The following DHX38 variants were observed in gnomAD, a reference collection of about 807,000 sequenced individuals.
DHX38 encodes pre-mRNA-splicing factor ATP-dependent RNA helicase PRP16.
DHX38 carries 100 observed loss-of-function variants against 153.1 expected under a neutral mutation model. That is an observed-to-expected ratio of 0.65 (90% confidence interval 0.56 to 0.77). The LOEUF (loss-of-function observed/expected upper bound fraction) is 0.77, where lower values mean the gene tolerates loss of function less well. Ranked by LOEUF, DHX38 falls within the 30% of genes least tolerant of loss-of-function variation. The pLI is 0.00. For missense variants in DHX38, 1,440 were observed against 1,654.0 expected (o/e 0.87, Z 2.24); for synonymous variants, 650 against 631.7 (o/e 1.03, Z -0.43).
chr16:72,107,443 G>A lies in DHX38; in HGVS notation c.2704G>A (p.Gly902Arg), dbSNP rs374391366. ...CGTGGTGCTGCTGCTCAAGTCCCTC[G>A]GGGTGCAGGACCTGCTGCAGTTCCA... Reference protein sequence around the residue: ...ANVVLLLKSLGVQDLLQFHFM... With the variant: ...ANVVLLLKSLRVQDLLQFHFM... Residue 902 changes from glycine (G) to arginine (R), a missense_variant, in exon 20 of 27, where the codon GGG (glycine) becomes AGG (arginine). Gly to Arg is a moderately radical substitution (Grantham distance 125, BLOSUM62 -2). Coordinates refer to ENST00000268482, the MANE Select transcript of DHX38 (RefSeq NM_014003.4). The surrounding 1 kb of genome is among the most constrained non-coding windows in gnomAD (Gnocchi z 5.3). The A allele has an allele frequency of 6.2e-6, 10 of 1,613,988 alleles. No individual in the cohort carries two copies. Among genetic ancestry groups the A allele is most frequent in the African/African-American group, 5.3e-5 (4 of 74,910 alleles).
At chr16:72,106,438 C>CGTTTTCTT (rs1555539032) in intron 19 of DHX38, among the ~76,000 whole-genome samples, 735 of 67,184 alleles carry the variant, frequency 0.011, 23 homozygotes, top group Admixed American at 0.049. Flanking sequence ...TCTCTTTCCC[C>CGTTTTCTT]ATTTTCTTTC....
intron 24 of DHX38, 48 bp downstream of exon 24, chr16:72,108,973 C>G (rs2042221998): frequency 6.5e-7 from 1 of 1,543,980 alleles, no homozygotes; most frequent in Admixed American, 2.0e-5. Context: ...CCTGTCTGGC[C>G]AGGCTTTGAA....
intron 21 of DHX38, 69 bp from the exon 22 acceptor site, chr16:72,108,158 C>A: frequency 1.3e-6 from 2 of 1,569,352 alleles, no homozygotes; most frequent in South Asian, 2.3e-5. Context: ...AGTGTTAGAA[C>A]CTCTGGGATG....
At chr16:72,096,580 C>T in intron 2 of DHX38, 100 bp downstream of exon 2, 1 of 1,463,478 alleles carries the variant, frequency 6.8e-7, no homozygotes, top group Non-Finnish European at 9.0e-7. Flanking sequence ...AGATTTAGAG[C>T]TTTATGATTT....
chr16:72,101,058 G>T, intron 9 of DHX38, 28 bp from the exon 10 acceptor site: 1 of 1,605,864 alleles, frequency 6.2e-7, no homozygotes, highest in Non-Finnish European at 8.5e-7. Context: ...ATTTTAACGG[G>T]CATCGCTCTT....
rs1182367540 is a variant in DHX38 at position 72,108,569 on chromosome 16, A to G, written c.3217A>G (p.Ile1073Val). ...TGACTGGGACATCGTCAGGAAGTGC[A>G]TCTGTGCTGCCTATTTCCACCAAGC... Reference protein sequence around the residue: ...GTDWDIVRKCICAAYFHQAAK... With the variant: ...GTDWDIVRKCVCAAYFHQAAK... The change falls in exon 23 of 27, where the codon ATC becomes GTC. Residue 1073 changes from isoleucine to valine, a missense_variant. Physicochemically the swap from Ile to Val is conservative, Grantham distance 29. Around this residue, in one of 6 missense-constraint regions of DHX38, gnomAD observed 543 missense variants for 717.9 expected, o/e 0.76. Transcript: ENST00000268482. The G allele has an allele frequency of 6.2e-7, 1 of 1,614,156 alleles. No homozygotes were observed. Among genetic ancestry groups the G allele is most frequent in the East Asian group, 2.2e-5 (1 of 44,880 alleles).
At position 72,106,015 on chromosome 16, in the gene DHX38, C is replaced by T; in HGVS notation, c.2498C>T (p.Pro833Leu). 1.2e-6 allele frequency: 2 copies of T among 1,614,146 alleles called. No homozygotes were observed. The highest frequency in any genetic ancestry group is 1.7e-6 in the Non-Finnish European group (2 of 1,179,984). Residue 833 changes from proline (P) to leucine (L), a missense_variant, in exon 19 of 27, where the codon CCC becomes CTC. Pro to Leu is a moderately conservative substitution (Grantham distance 98, BLOSUM62 -3). This residue lies in a region of DHX38 where 543 missense variants were observed against 717.9 expected (regional missense o/e 0.76). Transcript: ENST00000268482. ...GCCGTCCCCTCCTAGGTCTTCAACC[C>T]CAGGATTGGCATGGATGCTCTGCAG... ...SGYCKLKVFN[P>L]RIGMDALQIY...
In DHX38 at chr16:72,105,155, G is replaced by T. The variant is rs374760798; in HGVS notation, c.2262+18G>T. On this transcript the variant is annotated intron_variant, in intron 16 of 26. Coordinates refer to ENST00000268482, the MANE Select transcript of DHX38 (RefSeq NM_014003.4). ...ACATTGAGGTGCGTGCCTTGGTCAC[G>T]ACTGTGATGAGCGGGTGTGTCTTGC... The T allele has an allele frequency of 5.6e-6, 9 of 1,613,876 alleles. No individual in the cohort carries two copies. In the African/African-American group the frequency reaches 1.2e-4, roughly 22 times the overall value.
intron 25 of DHX38, among the ~76,000 whole-genome samples, chr16:72,110,432 G>A (rs990290255): frequency 3.3e-5 from 5 of 152,192 alleles, no homozygotes; most frequent in Admixed American, 3.3e-4. Context: ...GATGGATGAG[G>A]GGCCCCAGTG....
At position 72,107,782 on chromosome 16, in the gene DHX38, A is replaced by G. The variant is rs34482572; in HGVS notation, c.2947A>G (p.Ile983Val). ...CGTTTCCATGCTCTCGGTCCCAGCC[A>G]TCTTCTACAGGCCCAAGGTGGGGCA... ...LIVSMLSVPA[I>V]FYRPKGREEE... Residue 983 changes from isoleucine (I) to valine (V), a missense_variant, in exon 21 of 27, where the codon ATC (isoleucine) becomes GTC (valine). By Grantham distance (29) the Ile-to-Val change is conservative. This residue lies in a region of DHX38 where 543 missense variants were observed against 717.9 expected (regional missense o/e 0.76). Coordinates refer to ENST00000268482, the MANE Select transcript of DHX38 (RefSeq NM_014003.4). The surrounding 1 kb of genome is among the most constrained non-coding windows in gnomAD (Gnocchi z 5.3). 976 of 1,613,744 alleles carry G rather than the reference A, an allele frequency of 6.0e-4. 4 individuals carry two copies. Among genetic ancestry groups the G allele is most frequent in the Middle Eastern group, 4.0e-3 (24 of 6,058 alleles).
Position 72,100,545 on chromosome 16 carries a change from T to C in DHX38, c.1226T>C (p.Val409Ala). ...EDNAAKVHLM[V>A]HNLVPPFLDG... is the part of the protein sequence containing the mutation. ...AACGCGGCCAAGGTGCATCTGATGG[T>C]GCACAATCTGGTGCCTCCCTTTCTG... The change falls in exon 9 of 27, where the codon GTG (valine) becomes GCG (alanine). Residue 409 changes from valine to alanine, a missense_variant. Val to Ala is a moderately conservative substitution (Grantham distance 64). This residue lies in a region of DHX38 where 77 missense variants were observed against 125.4 expected (regional missense o/e 0.61). Coordinates refer to ENST00000268482, the MANE Select transcript of DHX38 (RefSeq NM_014003.4). The C allele has an allele frequency of 6.2e-7, 1 of 1,614,124 alleles. No individual in the cohort carries two copies.
chr16:72,105,339 C>G lies in DHX38; in HGVS notation c.2370C>G (p.Ile790Met), dbSNP rs200450334. The G allele has an allele frequency of 1.2e-5, 20 of 1,614,068 alleles. No individual in the cohort carries two copies. The highest frequency in any genetic ancestry group is 1.6e-5 in the Non-Finnish European group (19 of 1,180,006). ...TGCCTTCTGACCTCCAGGCCAAAATCTTCCAGAAGGTGTGTCAGCAGGAAT... is the reference window on the plus strand; with the variant it reads ...TGCCTTCTGACCTCCAGGCCAAAATGTTCCAGAAGGTGTGTCAGCAGGAAT... The part of the protein sequence containing the change: ...SQLPSDLQAK[I>M]FQKAPDGVRK... Residue 790 changes from isoleucine (I) to methionine (M), a missense_variant, in exon 17 of 27, where the codon ATC becomes ATG. Coordinates refer to ENST00000268482, the MANE Select transcript of DHX38 (RefSeq NM_014003.4).
At chr16:72,109,574 G>T in intron 25 of DHX38, 64 bp downstream of exon 25, 1 of 1,477,712 alleles carries the variant, frequency 6.8e-7, no homozygotes, top group South Asian at 1.3e-5. Context: ...CCCTCCGCTT[G>T]GTATTGAAGA....
rs1955779313 is a variant in DHX38 at position 72,105,091 on chromosome 16, C to A, written c.2216C>A (p.Ala739Asp). 6.2e-7 allele frequency: 1 copy of A among 1,614,202 alleles called. No individual in the cohort carries two copies. ...TCCTTGCAGGTGCACCTGTCGGGGG[C>A]CCCTGGAGACATCCTTATCTTCATG... is the stretch of plus-strand genomic sequence containing the variant. ...KQSLQVHLSG[A>D]PGDILIFMPG... is the part of the protein sequence containing the mutation. Residue 739 changes from alanine to aspartate, a missense_variant, in exon 16 of 27, where the codon GCC (alanine) becomes GAC (aspartate). Ala to Asp is a moderately radical substitution (Grantham distance 126, BLOSUM62 -2). This residue lies in a region of DHX38 where 543 missense variants were observed against 717.9 expected (regional missense o/e 0.76). Coordinates refer to ENST00000268482, the MANE Select transcript of DHX38 (RefSeq NM_014003.4).
At chr16:72,110,265 G>A (rs1002969871) in intron 25 of DHX38, among the ~76,000 whole-genome samples, 8 of 152,304 alleles carry the variant, frequency 5.3e-5, no homozygotes, top group African/African-American at 1.2e-4. Flanking sequence ...CCTGTGTTTC[G>A]TGCACTTGCT....
Position 72,109,505 on chromosome 16 carries a change from C to T in DHX38, c.3472C>T (p.Arg1158Trp), listed in dbSNP as rs1484925357. ...FYSVKQAGKS[R>W]QENRRRAKEE... ...TAGCGTGAAACAGGCGGGCAAGTCACGGCAGGTGAGGATTCTGTGCTCTTC... is the reference window on the plus strand; with the variant it reads ...TAGCGTGAAACAGGCGGGCAAGTCATGGCAGGTGAGGATTCTGTGCTCTTC... The change falls in exon 25 of 27, where the codon CGG (arginine) becomes TGG (tryptophan). Residue 1158 changes from arginine (R) to tryptophan (W), a missense_variant. Coordinates refer to ENST00000268482, the MANE Select transcript of DHX38 (RefSeq NM_014003.4). The T allele has an allele frequency of 3.7e-6, 6 of 1,611,170 alleles. No individual in the cohort carries two copies. Among genetic ancestry groups the T allele is most frequent in the African/African-American group, 1.3e-5 (1 of 74,760 alleles).
In DHX38 at chr16:72,104,353, A is replaced by C. The variant is rs555502224; in HGVS notation, c.2011-133A>C. 3.4e-4 allele frequency: 447 copies of C among 1,333,014 alleles called. No homozygotes were observed. The highest frequency in any genetic ancestry group is 4.2e-4 in the Admixed American group (17 of 40,680). 82.6% of individuals were successfully genotyped at this position (1,333,014 alleles called of 1,614,324 possible). A position where few individuals can be genotyped will look rare whatever the true frequency, so the allele number is the denominator to read the frequency against. On this transcript the variant is annotated intron_variant, in intron 14 of 26. Coordinates refer to ENST00000268482, the MANE Select transcript of DHX38 (RefSeq NM_014003.4). This position sits in a 1 kb window ranked among gnomAD's most constrained non-coding sequence, Gnocchi z 4.5. ...CAGTGGCTCCATTGCTTCAGTCTTC[A>C]TGATTGGTAAGAATTGAATAGGCCC...
intron 4 of DHX38, 52 bp from the exon 5 acceptor site, chr16:72,098,593 C>T: frequency 6.2e-7 from 1 of 1,600,456 alleles, no homozygotes; most frequent in Non-Finnish European, 8.5e-7. Flanking sequence ...GGTTCTAGAC[C>T]ATGTCATGGT....
intron 7 of DHX38, among the ~76,000 whole-genome samples, 196 bp from the exon 8 acceptor site, chr16:72,099,536 C>G (rs1262892686): frequency 6.8e-6 from 1 of 146,558 alleles, no homozygotes; most frequent in East Asian, 2.0e-4. Flanking sequence ...GGGCTGCCCT[C>G]CAGTCCTGTG....
Sources: gnomAD v4.1 joint callset for allele counts (sites outside exome capture counted in the v4.1 genomes callset) on GRCh38, gnomAD v4.1.1 for gene constraint, gnomAD v4.1.1 regional missense constraint, Gnocchi (gnomAD v3.1) non-coding constraint, MANE v1.5 for transcripts, NCBI Gene and HGNC (gene_info 2026-07-23, HGNC 2026-07-21) for gene names.